OSBPL2: variants seen among roughly 807,000 people sequenced by gnomAD.
The protein encoded by OSBPL2 is oxysterol binding protein like 2, also known as oxysterol-binding protein-related protein 2.
In OSBPL2, 18 loss-of-function variants were observed where a neutral mutation model predicts 58.4. The observed-to-expected ratio is 0.31, with a 90% CI of 0.21 to 0.46. OSBPL2 has a LOEUF of 0.46. Ranked by LOEUF, OSBPL2 falls within the 20% of genes least tolerant of loss-of-function variation. The pLI is 1.00. For synonymous variants in OSBPL2, 221 were observed against 234.1 expected (o/e 0.94, Z 0.51); for missense variants, 461 against 616.5 (o/e 0.75, Z 2.67).
chr20:62,247,432 C>T (rs1443235243), intron 1 of OSBPL2, among the ~76,000 whole-genome samples: 1 of 152,210 alleles, frequency 6.6e-6, no homozygotes, highest in Non-Finnish European at 1.5e-5. Context: ...CCGCAGCTGC[C>T]TCCCTGCGAA....
chr20:62,290,969 C>T (rs1173202195), intron 12 of OSBPL2, among the ~76,000 whole-genome samples: 1 of 152,164 alleles, frequency 6.6e-6, no homozygotes, highest in African/African-American at 2.4e-5. Context: ...AACTGCTGAC[C>T]TCAGGTGATC....
At chr20:62,278,840 C>T (rs1380079133) in intron 6 of OSBPL2, 7 of 302,280 alleles carry the variant, frequency 2.3e-5, no homozygotes, top group African/African-American at 9.7e-5. Flanking sequence ...TGTCTGTTGC[C>T]GTTAGGCCGA....
Position 62,251,865 on chromosome 20 carries a change from C to CTTTTTTTTTTTTTTT in OSBPL2, c.-128-4175_-128-4161dup, listed in dbSNP as rs147891445. Among the ~76,000 whole-genome samples the CTTTTTTTTTTTTTTT allele has an allele frequency of 7.2e-5, 3 of 41,738 alleles. 1 individual carries two copies. The highest frequency in any genetic ancestry group is 8.8e-4 in the Admixed American group (2 of 2,284). The allele number at this position is 41,738 out of a possible 152,430, so 27.4% of individuals were successfully genotyped here. ...TCAAGCGTCATTTTAATTGGTATGC[C>CTTTTTTTTTTTTTTT]TTTTTTTTTTTTTTTTTTTTTTTTT... is the stretch of plus-strand genomic sequence containing the variant. On this transcript the variant is annotated intron_variant, in intron 1 of 13. Coordinates refer to ENST00000313733, the MANE Select transcript of OSBPL2 (RefSeq NM_144498.4).
intron 5 of OSBPL2, among the ~76,000 whole-genome samples, chr20:62,273,022 A>G (rs1488740017): frequency 2.0e-5 from 3 of 152,202 alleles, no homozygotes; most frequent in Non-Finnish European, 2.9e-5. Flanking sequence ...TGTGCATATC[A>G]GACGGAGTGG....
At chr20:62,271,407 A>G (rs547135050) in intron 4 of OSBPL2, among the ~76,000 whole-genome samples, 2 of 152,334 alleles carry the variant, frequency 1.3e-5, no homozygotes, top group Non-Finnish European at 2.9e-5. Flanking sequence ...ACGGGAAGCC[A>G]GGGACTATTT....
At chr20:62,251,520 T>C (rs1198784283) in intron 1 of OSBPL2, among the ~76,000 whole-genome samples, 1 of 152,108 alleles carries the variant, frequency 6.6e-6, no homozygotes, top group Non-Finnish European at 1.5e-5. Context: ...GTGATTCTCC[T>C]GCCTCGGCCT....
At chr20:62,273,502 C>T (rs1447890682) in intron 6 of OSBPL2, 96 bp downstream of exon 6, 5 of 979,098 alleles carry the variant, frequency 5.1e-6, no homozygotes, top group African/African-American at 1.6e-5. Flanking sequence ...TTCCTCTGCT[C>T]TGAGAATAAA....
At chr20:62,279,126 A>G (rs752909215) in intron 6 of OSBPL2, 31 bp from the exon 7 acceptor site, 6 of 1,576,394 alleles carry the variant, frequency 3.8e-6, no homozygotes, top group East Asian at 2.3e-5. Flanking sequence ...GCTGCCATTA[A>G]TGTGTCTCTC....
At chr20:62,290,114 G>C (rs1983394618) in intron 12 of OSBPL2, among the ~76,000 whole-genome samples, 1 of 152,176 alleles carries the variant, frequency 6.6e-6, no homozygotes, top group African/African-American at 2.4e-5. Flanking sequence ...TGTGCTTGCA[G>C]CGTTCATCTG....
intron 3 of OSBPL2, among the ~76,000 whole-genome samples, chr20:62,262,191 A>G (rs2145936178): frequency 6.6e-6 from 1 of 151,406 alleles, no homozygotes; most frequent in Admixed American, 6.6e-5. Context: ...CTGTTATACT[A>G]GAAGAAATGA....
chr20:62,249,674 A>T (rs1314009397), intron 1 of OSBPL2, among the ~76,000 whole-genome samples: 4 of 152,220 alleles, frequency 2.6e-5, no homozygotes, highest in Non-Finnish European at 5.9e-5. Flanking sequence ...TCCCAGGTTC[A>T]AGCAATTCTC....
At chr20:62,289,395 A>C in intron 12 of OSBPL2, 65 bp downstream of exon 12, 2 of 1,560,822 alleles carry the variant, frequency 1.3e-6, no homozygotes, top group Non-Finnish European at 8.7e-7. Flanking sequence ...GTGGGAGAGC[A>C]CAAAGCACTC....
chr20:62,266,426 TAGAC>T (rs967648782), intron 4 of OSBPL2, among the ~76,000 whole-genome samples: 1 of 152,204 alleles, frequency 6.6e-6, no homozygotes, highest in Admixed American at 6.5e-5. Context: ...AGTCCCAACA[TAGAC>T]AGACTCAGAC....
intron 13 of OSBPL2, among the ~76,000 whole-genome samples, chr20:62,292,488 A>T (rs918693327): frequency 2.0e-5 from 3 of 152,272 alleles, no homozygotes; most frequent in African/African-American, 7.2e-5. Context: ...CTGCTGGGAC[A>T]TGATTCCTGT....
At chr20:62,283,502 T>G (rs1982917041) in intron 9 of OSBPL2, among the ~76,000 whole-genome samples, 1 of 152,150 alleles carries the variant, frequency 6.6e-6, no homozygotes, top group South Asian at 2.1e-4. Context: ...TGGTGGCCAC[T>G]CTGCAAAGGT....
chr20:62,293,553 A>G (rs1477984479), intron 13 of OSBPL2, among the ~76,000 whole-genome samples: 1 of 152,134 alleles, frequency 6.6e-6, no homozygotes, highest in Non-Finnish European at 1.5e-5. Context: ...AACCCTCAAG[A>G]TTTTGTTGGG....
intron 8 of OSBPL2, 107 bp from the exon 9 acceptor site, chr20:62,281,683 C>G (rs1253522410): frequency 1.3e-6 from 1 of 758,340 alleles, no homozygotes; most frequent in Admixed American, 1.9e-5. Context: ...TTTGCAGTCA[C>G]CCCCCGCCTG....
chr20:62,258,786 C>T (rs988491505), intron 2 of OSBPL2, among the ~76,000 whole-genome samples: 2 of 152,182 alleles, frequency 1.3e-5, no homozygotes, highest in African/African-American at 4.8e-5. Flanking sequence ...ACGGAATTCC[C>T]TTAAGTAGGG....
At position 62,259,914 on chromosome 20, in the gene OSBPL2, C is replaced by G. The variant is rs972289664; in HGVS notation, c.38-67C>G. On this transcript the variant is annotated intron_variant, in intron 2 of 13. Transcript: ENST00000313733. The stretch of plus-strand genomic sequence containing the variant: ...GTCACCTGCTTGCATAGTCAGAATT[C>G]TTGGAGGTAGGCTTTTAAAAAATCT... The G allele has an allele frequency of 2.0e-6, 3 of 1,473,094 alleles. No homozygotes were observed. In the African/African-American group the frequency reaches 4.2e-5, roughly 21 times the overall value. The allele number at this position is 1,473,094 out of a possible 1,614,324, so 91.3% of individuals were successfully genotyped here.
Sources: allele counts gnomAD v4.1 joint callset (sites outside exome capture counted in the v4.1 genomes callset), GRCh38; gene constraint gnomAD v4.1.1; transcripts MANE v1.5; gene names NCBI Gene and HGNC (gene_info 2026-07-23, HGNC 2026-07-21).